Variants in DNAJC8 observed in about 807,000 individuals in gnomAD.
DNAJC8 encodes the protein dnaJ homolog subfamily C member 8.
A neutral mutation model predicts 43.2 loss-of-function variants in DNAJC8; 24 were observed. The ratio of observed to expected loss-of-function variants is 0.56; its 90% CI spans 0.40 to 0.78. The LOEUF (loss-of-function observed/expected upper bound fraction) is 0.78, where lower values mean the gene tolerates loss of function less well. Among genes scored for constraint, DNAJC8 ranks in the 30% least tolerant of loss-of-function variants. The pLI, the probability that DNAJC8 is intolerant of heterozygous loss-of-function variation, is 0.00. For missense variants in DNAJC8, 207 were observed against 299.4 expected (o/e 0.69, Z 2.28); for synonymous variants, 83 against 98.0 (o/e 0.85, Z 0.90).
At chr1:28,219,240 G>A (rs1302452224) in intron 2 of DNAJC8, among the ~76,000 whole-genome samples, 4 of 152,028 alleles carry the variant, frequency 2.6e-5, no homozygotes, top group Non-Finnish European at 4.4e-5. Flanking sequence ...CAGGTGTGGC[G>A]GCTCACGCCT....
In DNAJC8 at chr1:28,222,003, T is replaced by C. The variant is rs570934839; in HGVS notation, c.180+6919A>G. 4.6e-5 allele frequency among the ~76,000 whole-genome samples: 7 copies of C among 152,284 alleles called. No individual in the cohort carries two copies. In the South Asian group the frequency reaches 1.5e-3, roughly 32 times the overall value. ...GCCAGTCACGAAAAGGCAAACACTA[T>C]GATTCCTTTTATATGAGGTACTTGG... On this transcript the variant is annotated intron_variant, in intron 2 of 8. Transcript: ENST00000263697.
chr1:28,209,539 C>T (rs1646795035), intron 5 of DNAJC8, among the ~76,000 whole-genome samples: 1 of 152,164 alleles, frequency 6.6e-6, no homozygotes, highest in Non-Finnish European at 1.5e-5. Context: ...CATAAACCTC[C>T]TCCTATTTTA....
chr1:28,225,104 G>A (rs895817606), intron 2 of DNAJC8, among the ~76,000 whole-genome samples: 4 of 151,220 alleles, frequency 2.6e-5, no homozygotes, highest in Non-Finnish European at 5.9e-5. Flanking sequence ...TAGTAACAAT[G>A]TATCCAGAGA....
intron 8 of DNAJC8, among the ~76,000 whole-genome samples, chr1:28,201,789 C>CA (rs113275288): frequency 0.36 from 40,526 of 111,084 alleles, 6,826 homozygotes; most frequent in African/African-American, 0.46. Context: ...GACTTTGTAT[C>CA]AAAAAAAAAA....
chr1:28,222,378 C>G (rs1646904346), intron 2 of DNAJC8, among the ~76,000 whole-genome samples: 1 of 150,052 alleles, frequency 6.7e-6, no homozygotes, highest in Admixed American at 6.7e-5. Context: ...CCCAGCTACT[C>G]AGGAGGCTGA....
intron 2 of DNAJC8, among the ~76,000 whole-genome samples, chr1:28,221,355 G>T: frequency 6.7e-6 from 1 of 150,248 alleles, no homozygotes; most frequent in East Asian, 1.9e-4. Context: ...GGGAAAAAGA[G>T]AAAGAAACAA....
chr1:28,212,733 G>A (rs1432357345), intron 3 of DNAJC8, among the ~76,000 whole-genome samples: 4 of 152,172 alleles, frequency 2.6e-5, no homozygotes, highest in African/African-American at 4.8e-5. Context: ...GTCGGGGAAT[G>A]AGAACAAATG....
intron 2 of DNAJC8, 58 bp from the exon 3 acceptor site, chr1:28,215,054 A>C (rs1646841685): frequency 1.4e-6 from 2 of 1,421,482 alleles, no homozygotes; most frequent in Non-Finnish European, 1.9e-6. Flanking sequence ...ATGTATATTT[A>C]AGAGTTGCTC....
At chr1:28,213,105 A>G (rs1646826619) in intron 3 of DNAJC8, among the ~76,000 whole-genome samples, 1 of 152,234 alleles carries the variant, frequency 6.6e-6, no homozygotes, top group Non-Finnish European at 1.5e-5. Context: ...ACGGGGTAAC[A>G]GACACGGAAA....
chr1:28,222,188 T>G (rs1192518814), intron 2 of DNAJC8, among the ~76,000 whole-genome samples: 4 of 152,060 alleles, frequency 2.6e-5, no homozygotes, highest in African/African-American at 9.7e-5. Context: ...ATGAGTGTAT[T>G]TAAAAACAAT....
chr1:28,216,969 C>T (rs1412894369), intron 2 of DNAJC8, among the ~76,000 whole-genome samples: 3 of 151,668 alleles, frequency 2.0e-5, no homozygotes, highest in East Asian at 3.9e-4. Flanking sequence ...CCACCACGCC[C>T]GGCTCATTTT....
intron 3 of DNAJC8, among the ~76,000 whole-genome samples, chr1:28,212,422 G>A (rs569648197): frequency 3.9e-4 from 58 of 149,724 alleles, no homozygotes; most frequent in African/African-American, 1.3e-3. Flanking sequence ...CTACAGGCAC[G>A]GCTAATTTTT....
Position 28,201,141 on chromosome 1 carries a change from A to C in DNAJC8, c.*107T>G. The C allele has an allele frequency of 6.6e-7, 1 of 1,505,986 alleles. No individual in the cohort carries two copies. Among genetic ancestry groups the C allele is most frequent in the Non-Finnish European group, 9.0e-7 (1 of 1,114,636 alleles). The allele number at this position is 1,505,986 out of a possible 1,614,324, so 93.3% of individuals were successfully genotyped here. A position where few individuals can be genotyped will look rare whatever the true frequency, so the allele number is the denominator to read the frequency against. ...GTATTGAAAACAAAATGGACTAAAA[A>C]GCAAATACTACTCTATGTTGGGGTG... On this transcript the variant is annotated 3_prime_UTR_variant, in exon 9 of 9. Coordinates refer to ENST00000263697, the MANE Select transcript of DNAJC8 (RefSeq NM_014280.3).
Position 28,233,025 on chromosome 1 carries a change from C to T in DNAJC8, c.-27G>A, listed in dbSNP as rs763815168. ...TCCCCGGCCCAGCCACCACGTGACC[C>T]TTCTGCGCAGGCGTCGCCTCACGTG... is the stretch of plus-strand genomic sequence containing the variant. On this transcript the variant is annotated 5_prime_UTR_variant, in exon 1 of 9. Transcript: ENST00000263697. The T allele has an allele frequency of 1.9e-6, 3 of 1,608,926 alleles. No individual in the cohort carries two copies. The highest frequency in any genetic ancestry group is 2.5e-6 in the Non-Finnish European group (3 of 1,179,810).
chr1:28,203,423 A>T (rs556223557), intron 8 of DNAJC8, among the ~76,000 whole-genome samples: 1 of 152,202 alleles, frequency 6.6e-6, no homozygotes, highest in East Asian at 1.9e-4. Context: ...AGTGCAATCC[A>T]TTTTTCTTGA....
At chr1:28,225,729 G>T (rs1646929769) in intron 2 of DNAJC8, among the ~76,000 whole-genome samples, 1 of 137,728 alleles carries the variant, frequency 7.3e-6, no homozygotes, top group Non-Finnish European at 1.5e-5. Context: ...TTTTGAGACA[G>T]TCTCGTTCTG....
intron 2 of DNAJC8, among the ~76,000 whole-genome samples, chr1:28,220,267 G>A (rs1646889920): frequency 6.6e-6 from 1 of 152,210 alleles, no homozygotes; most frequent in Admixed American, 6.5e-5. Context: ...AGAGCTGGAG[G>A]TGCCACACGT....
rs755791700 is a variant in DNAJC8 at position 28,208,423 on chromosome 1, A to AT, written c.400-11dup. On this transcript the variant is annotated splice_polypyrimidine_tract_variant and intron_variant, in intron 5 of 8. Transcript: ENST00000263697. ...TTTTTCGCTCTTTCACCTAAAAAGA[A>AT]TTTTTTTTCATCAAAAGACGAGCAT... 2.7e-5 allele frequency: 43 copies of AT among 1,598,290 alleles called. No individual in the cohort carries two copies. Among genetic ancestry groups the AT allele is most frequent in the Non-Finnish European group, 3.4e-5 (40 of 1,168,234 alleles).
Position 28,213,589 on chromosome 1 carries a change from C to T in DNAJC8, c.237+1351G>A, listed in dbSNP as rs1213308603. On this transcript the variant is annotated intron_variant, in intron 3 of 8. Transcript: ENST00000263697. The stretch of plus-strand genomic sequence containing the variant: ...ATCAGAAGCTGAAAATTACATTCAG[C>T]TCTGGTCAGACCCTATTAAAATATG... Among the ~76,000 whole-genome samples the T allele has an allele frequency of 6.6e-5, 10 of 152,222 alleles. No homozygotes were observed. In the South Asian group the frequency reaches 2.1e-3, roughly 32 times the overall value.
Sources: allele counts gnomAD v4.1 joint callset (sites outside exome capture counted in the v4.1 genomes callset), GRCh38; gene constraint gnomAD v4.1.1; transcripts MANE v1.5; gene names NCBI Gene and HGNC (gene_info 2026-07-23, HGNC 2026-07-21).